Variants in FAF2 observed in about 807,000 individuals in gnomAD.
The protein encoded by FAF2 is FAS-associated factor 2.
A neutral mutation model predicts 62.3 loss-of-function variants in FAF2; 9 were observed. That is an observed-to-expected ratio of 0.14 (90% CI 0.09 to 0.25). The LOEUF is 0.25. Ranked by LOEUF, FAF2 falls within the 10% of genes least tolerant of loss-of-function variation. FAF2 has a pLI of 1.00. For missense variants in FAF2, 368 were observed against 556.2 expected, an observed-to-expected ratio of 0.66 and a Z score of 3.40; for synonymous variants, 202 against 198.0, an observed-to-expected ratio of 1.02 and a Z score of -0.17.
chr5:176,491,967 T>G (rs1758977255), intron 4 of FAF2, among the ~76,000 whole-genome samples: 1 of 152,224 alleles, frequency 6.6e-6, no homozygotes, highest in Admixed American at 6.5e-5. Flanking sequence ...TTGGAATTTA[T>G]AATCCCAGTA....
chr5:176,483,301 T>C (rs1393281169), intron 2 of FAF2, among the ~76,000 whole-genome samples: 1 of 152,200 alleles, frequency 6.6e-6, no homozygotes, highest in African/African-American at 2.4e-5. Context: ...TTGTCGCGTG[T>C]GCTTTTGTTG....
intron 2 of FAF2, among the ~76,000 whole-genome samples, chr5:176,479,495 A>C (rs981614709): frequency 6.6e-6 from 1 of 152,132 alleles, no homozygotes; most frequent in Non-Finnish European, 1.5e-5. Context: ...TCTTGTTGGG[A>C]AAACAATTGG....
intron 1 of FAF2, among the ~76,000 whole-genome samples, chr5:176,450,727 G>C (rs774051608): frequency 6.6e-6 from 1 of 152,024 alleles, no homozygotes; most frequent in Non-Finnish European, 1.5e-5. Context: ...CGAATTTTTT[G>C]TATTTTTAGT....
intron 1 of FAF2, among the ~76,000 whole-genome samples, chr5:176,473,979 T>C (rs1046227724): frequency 2.8e-4 from 42 of 152,212 alleles, no homozygotes; most frequent in Non-Finnish European, 5.1e-4. Flanking sequence ...AATCAGCCAC[T>C]TCTCCAAGGA....
chr5:176,504,016 A>G (rs1755636485), intron 10 of FAF2, among the ~76,000 whole-genome samples: 1 of 151,292 alleles, frequency 6.6e-6, no homozygotes. Flanking sequence ...ACAAAAATAC[A>G]GAATGGCTTG....
chr5:176,493,802 C>T (rs1389136753), intron 5 of FAF2, among the ~76,000 whole-genome samples, 197 bp from the exon 6 acceptor site: 5 of 152,094 alleles, frequency 3.3e-5, no homozygotes, highest in African/African-American at 9.7e-5. Context: ...AGCTTGTTAG[C>T]GTGGAGTTTC....
At chr5:176,451,461 G>A (rs1208156518) in intron 1 of FAF2, among the ~76,000 whole-genome samples, 1 of 152,036 alleles carries the variant, frequency 6.6e-6, no homozygotes, top group Non-Finnish European at 1.5e-5. Flanking sequence ...TGAGATTACA[G>A]TGTTGAGATG....
chr5:176,467,672 A>T (rs1238084841), intron 1 of FAF2, among the ~76,000 whole-genome samples: 1 of 152,244 alleles, frequency 6.6e-6, no homozygotes, highest in African/African-American at 2.4e-5. Context: ...GCTGACCTTT[A>T]TTAAGCACTT....
At chr5:176,448,571 A>G (rs1231855277) in intron 1 of FAF2, 101 bp downstream of exon 1, 5 of 1,207,336 alleles carry the variant, frequency 4.1e-6, no homozygotes, top group Non-Finnish European at 5.8e-6. Context: ...GATCCTTCTC[A>G]GACCAGCAGG....
chr5:176,450,159 AGTG>A (rs1758137892), intron 1 of FAF2, among the ~76,000 whole-genome samples: 1 of 152,202 alleles, frequency 6.6e-6, no homozygotes, highest in Non-Finnish European at 1.5e-5. Flanking sequence ...TAAATTTTGA[AGTG>A]GTTATTTTTT....
intron 5 of FAF2, among the ~76,000 whole-genome samples, chr5:176,492,948 C>G (rs1469973398): frequency 6.6e-6 from 1 of 152,202 alleles, no homozygotes; most frequent in African/African-American, 2.4e-5. Context: ...ACCATAGACT[C>G]AGGGTAGCAC....
intron 1 of FAF2, among the ~76,000 whole-genome samples, chr5:176,477,019 A>G (rs540678760): frequency 6.6e-6 from 1 of 151,200 alleles, no homozygotes; most frequent in South Asian, 2.1e-4. Flanking sequence ...CATGTTAGCC[A>G]GGATGGTCTC....
At position 176,493,140 on chromosome 5, in the gene FAF2, A is replaced by G. The variant is rs144999839; in HGVS notation, c.483+808A>G. On this transcript the variant is annotated intron_variant, in intron 5 of 10. Coordinates refer to ENST00000261942, the MANE Select transcript of FAF2 (RefSeq NM_014613.3). ...GTGGCAATAGGCAAAAGGGGGTTCT[A>G]TTATGCAGCCTCCAGAATTCCTGAA... Among the ~76,000 whole-genome samples the G allele has an allele frequency of 7.1e-4, 108 of 152,340 alleles. 1 individual carries two copies. The highest frequency in any genetic ancestry group is 2.4e-3 in the African/African-American group (100 of 41,582).
At chr5:176,482,286 C>T (rs886149461) in intron 2 of FAF2, among the ~76,000 whole-genome samples, 3 of 149,934 alleles carry the variant, frequency 2.0e-5, no homozygotes, top group African/African-American at 7.4e-5. Flanking sequence ...GGCGTGATCA[C>T]GGCTCACTGC....
Position 176,494,134 on chromosome 5 carries a change from A to G in FAF2, c.569+50A>G. ...CTCTTTTCTGACTCTTTCTGGTGAC[A>G]GTTTATAGTCAGCAAGTTGTTCTCA... On this transcript the variant is annotated intron_variant, in intron 6 of 10. Coordinates refer to ENST00000261942, the MANE Select transcript of FAF2 (RefSeq NM_014613.3). This position sits in a 1 kb window ranked among gnomAD's most constrained non-coding sequence, Gnocchi z 4.0. The G allele has an allele frequency of 6.2e-7, 1 of 1,606,134 alleles. No individual in the cohort carries two copies. Among genetic ancestry groups the G allele is most frequent in the Non-Finnish European group, 8.5e-7 (1 of 1,173,652 alleles).
At chr5:176,506,325 A>G (rs1476644903) in intron 10 of FAF2, among the ~76,000 whole-genome samples, 1 of 152,154 alleles carries the variant, frequency 6.6e-6, no homozygotes, top group Non-Finnish European at 1.5e-5. Flanking sequence ...CCTGATTTTG[A>G]GAGCCAAGTT....
chr5:176,449,324 C>T (rs184154161), intron 1 of FAF2, among the ~76,000 whole-genome samples: 1 of 152,312 alleles, frequency 6.6e-6, no homozygotes, highest in East Asian at 1.9e-4. Context: ...CGCCTGTAAT[C>T]CCAGCACTTT....
In FAF2 at chr5:176,492,323, G is replaced by A. The variant is rs78597771; in HGVS notation, c.474G>A (p.Thr158=). 49,170 of 1,613,292 alleles carry A rather than the reference G, an allele frequency of 0.03. 865 individuals are homozygous for A. The highest frequency in any genetic ancestry group is 0.036 in the Non-Finnish European group (42,644 of 1,179,636). ...GRAHPVFYQG[T]YSQALNDAKR... is the part of the protein sequence containing the mutation. ...CACACCCTGTCTTCTACCAGGGAAC[G>A]TACAGCCAGGTCAGTGCCATAAACC... The change falls in exon 5 of 11, where the codon ACG becomes ACA. Residue 158 remains threonine (T), a synonymous_variant. Coordinates refer to ENST00000261942, the MANE Select transcript of FAF2 (RefSeq NM_014613.3).
intron 1 of FAF2, among the ~76,000 whole-genome samples, chr5:176,450,637 T>C (rs978303042): frequency 6.6e-6 from 1 of 151,662 alleles, no homozygotes; most frequent in Admixed American, 6.6e-5. Flanking sequence ...CACTGCAACC[T>C]CCGCCTTCCA....
Sources: gnomAD v4.1 joint callset for allele counts (sites outside exome capture counted in the v4.1 genomes callset) on GRCh38, gnomAD v4.1.1 for gene constraint, Gnocchi (gnomAD v3.1) non-coding constraint, MANE v1.5 for transcripts, NCBI Gene and HGNC (gene_info 2026-07-23, HGNC 2026-07-21) for gene names.